JAKMIP2: variants seen among roughly 807,000 people sequenced by gnomAD.
JAKMIP2 encodes janus kinase and microtubule-interacting protein 2.
A neutral mutation model predicts 115.0 loss-of-function variants in JAKMIP2; 25 were observed. The observed-to-expected ratio is 0.22, with a 90% CI of 0.16 to 0.30. JAKMIP2 has a LOEUF of 0.30. JAKMIP2 is among the 10% of genes least tolerant of loss of function. The probability of loss-of-function intolerance (pLI) is 1.00; values close to 1 mark genes in which losing one functional copy is unlikely to be tolerated. For synonymous variants in JAKMIP2, 334 were observed against 343.6 expected (o/e 0.97, Z 0.31); for missense variants, 642 against 957.6 (o/e 0.67, Z 4.35).
chr5:147,711,255 T>TA (rs1752768743), intron 1 of JAKMIP2, among the ~76,000 whole-genome samples: 1 of 152,160 alleles, frequency 6.6e-6, no homozygotes. Context: ...TGTGGCTTCT[T>TA]AGAGTCATAA....
intron 4 of JAKMIP2, among the ~76,000 whole-genome samples, chr5:147,649,776 G>T (rs1294891162): frequency 6.6e-6 from 1 of 152,000 alleles, no homozygotes; most frequent in Non-Finnish European, 1.5e-5. Flanking sequence ...TAATTGGAAA[G>T]GTATAAGAGT....
At chr5:147,692,243 C>CA (rs1258074208) in intron 1 of JAKMIP2, among the ~76,000 whole-genome samples, 3 of 152,044 alleles carry the variant, frequency 2.0e-5, no homozygotes, top group Admixed American at 2.0e-4. Context: ...GTCTACAAAT[C>CA]AAAAAACATC....
chr5:147,744,024 TTCCTTCCTTCC>T (rs1754258218), intron 1 of JAKMIP2, among the ~76,000 whole-genome samples: 1 of 139,832 alleles, frequency 7.2e-6, no homozygotes, highest in African/African-American at 2.9e-5. Context: ...CCTTCCTTCC[TTCCTTCCTTCC>T]TTCCTTCCTT....
At chr5:147,595,966 T>C (rs1755366605) in intron 21 of JAKMIP2, among the ~76,000 whole-genome samples, 1 of 152,166 alleles carries the variant, frequency 6.6e-6, no homozygotes, top group South Asian at 2.1e-4. Context: ...AAAGATGCCC[T>C]TGTGGGAATC....
At chr5:147,742,139 TTATA>T (rs67628816) in intron 1 of JAKMIP2, among the ~76,000 whole-genome samples, 1 of 98,230 alleles carries the variant, frequency 1.0e-5, no homozygotes, top group Non-Finnish European at 1.9e-5. Flanking sequence ...CTGTGGATCA[TTATA>T]TATATATATA....
chr5:147,728,832 C>T (rs1753616768), intron 1 of JAKMIP2, among the ~76,000 whole-genome samples: 1 of 152,108 alleles, frequency 6.6e-6, no homozygotes, highest in Admixed American at 6.5e-5. Flanking sequence ...AATTGTTCAG[C>T]TTACCTGCTT....
chr5:147,633,807 A>G (rs1271165404), intron 12 of JAKMIP2, among the ~76,000 whole-genome samples: 2 of 150,776 alleles, frequency 1.3e-5, no homozygotes, highest in Non-Finnish European at 2.9e-5. Context: ...CCCTTGCCTC[A>G]GCCTCTCTAG....
At chr5:147,637,072 C>T in intron 10 of JAKMIP2, 24 bp from the exon 11 acceptor site, 1 of 855,994 alleles carries the variant, frequency 1.2e-6, no homozygotes, top group South Asian at 1.3e-5. Flanking sequence ...AATTCCAGAA[C>T]TCAGCAAGTA....
chr5:147,674,817 C>T (rs188106827), intron 1 of JAKMIP2, among the ~76,000 whole-genome samples: 56 of 152,296 alleles, frequency 3.7e-4, no homozygotes, highest in Non-Finnish European at 7.6e-4. Flanking sequence ...GACCGGGAAC[C>T]AAGCTCTTTT....
chr5:147,715,699 A>G (rs1413694017), intron 1 of JAKMIP2, among the ~76,000 whole-genome samples: 2 of 152,092 alleles, frequency 1.3e-5, no homozygotes, highest in East Asian at 3.9e-4. Flanking sequence ...GAAATAGACA[A>G]GACCATAGTC....
chr5:147,621,110 G>A lies in JAKMIP2; in HGVS notation c.2065-367C>T, dbSNP rs2304039. Among the ~76,000 whole-genome samples the A allele has an allele frequency of 6.3e-3, 959 of 152,112 alleles. 52 individuals are homozygous for A. In the East Asian group the frequency reaches 0.13, roughly 21 times the overall value. On this transcript the variant is annotated intron_variant, in intron 17 of 21. Transcript: ENST00000616793. ...AATGTGATAAAATGTAACATAGCTG[G>A]GTTGCATAATCAACAAGTTTAACTG...
chr5:147,684,296 AACACACACACACACACACAC>A (rs10565596), intron 1 of JAKMIP2, among the ~76,000 whole-genome samples: 5 of 147,474 alleles, frequency 3.4e-5, no homozygotes, highest in African/African-American at 1.2e-4. Flanking sequence ...AGTGCCAGAG[AACACACACACACACACACAC>A]ACACACACAC....
At chr5:147,658,429 C>A (rs1424734258) in intron 3 of JAKMIP2, among the ~76,000 whole-genome samples, 1 of 152,170 alleles carries the variant, frequency 6.6e-6, no homozygotes. Context: ...CCAGAGCTCT[C>A]CTGTATGAGG....
chr5:147,670,958 T>G (rs978366457), intron 2 of JAKMIP2, among the ~76,000 whole-genome samples: 1 of 152,220 alleles, frequency 6.6e-6, no homozygotes, highest in African/African-American at 2.4e-5. Flanking sequence ...TGAAATAAGC[T>G]AAGAATAGGC....
intron 1 of JAKMIP2, among the ~76,000 whole-genome samples, chr5:147,761,968 A>G (rs1754943292): frequency 6.6e-6 from 1 of 152,140 alleles, no homozygotes; most frequent in South Asian, 2.1e-4. Context: ...AAAACATGGG[A>G]TAAAAATACA....
intron 2 of JAKMIP2, chr5:147,661,772 C>T: frequency 3.8e-6 from 1 of 265,782 alleles, no homozygotes; most frequent in South Asian, 6.8e-5. Flanking sequence ...TGGCTTAGCC[C>T]CAGATCTATG....
intron 1 of JAKMIP2, among the ~76,000 whole-genome samples, chr5:147,700,571 C>A (rs568071064): frequency 6.6e-6 from 1 of 152,154 alleles, no homozygotes; most frequent in Non-Finnish European, 1.5e-5. Flanking sequence ...GATATAACAG[C>A]AGCTTTAGAA....
intron 1 of JAKMIP2, among the ~76,000 whole-genome samples, chr5:147,753,516 G>A (rs968420877): frequency 3.9e-5 from 6 of 152,202 alleles, no homozygotes; most frequent in South Asian, 2.1e-4. Flanking sequence ...GCCACCGAGC[G>A]TTGCTCTGTG....
Position 147,586,842 on chromosome 5 carries a change from C to T in JAKMIP2, c.*4865G>A, listed in dbSNP as rs564433055. ...TCCTGGGCCCAAGCTATCCTGCCAC[C>T]TTAGCCTTCTGAGTAGCTATCTTTA... On this transcript the variant is annotated 3_prime_UTR_variant, in exon 22 of 22. Coordinates refer to ENST00000616793, the MANE Select transcript of JAKMIP2 (RefSeq NM_001270941.2). The T allele has an allele frequency of 1.3e-5, 2 of 148,300 alleles. No homozygotes were observed. Among genetic ancestry groups the T allele is most frequent in the African/African-American group, 5.0e-5 (2 of 40,268 alleles). 9.2% of individuals were successfully genotyped at this position (148,300 alleles called of 1,614,324 possible). A position where few individuals can be genotyped will look rare whatever the true frequency, so the allele number is the denominator to read the frequency against.
Sources: allele counts gnomAD v4.1 joint callset (sites outside exome capture counted in the v4.1 genomes callset), GRCh38; gene constraint gnomAD v4.1.1; transcripts MANE v1.5; gene names NCBI Gene and HGNC (gene_info 2026-07-23, HGNC 2026-07-21).